The following CTNNA3 variants were observed in gnomAD, a reference collection of about 807,000 sequenced individuals.
CTNNA3 encodes the protein catenin alpha 3.
A neutral mutation model predicts 95.7 loss-of-function variants in CTNNA3; 76 were observed. The ratio of observed to expected loss-of-function variants is 0.79; its 90% confidence interval spans 0.66 to 0.96. CTNNA3 has a LOEUF of 0.96. Ranked by LOEUF, CTNNA3 falls within the 40% of genes least tolerant of loss-of-function variation. The pLI is 0.00. For missense variants in CTNNA3, 1,191 were observed against 1,089.8 expected (o/e 1.09, Z -1.31); for synonymous variants, 431 against 374.4 (o/e 1.15, Z -1.74).
intron 5 of CTNNA3, among the ~76,000 whole-genome samples, chr10:67,265,162 A>C (rs1161807744): frequency 1.3e-5 from 2 of 152,170 alleles, no homozygotes. Flanking sequence ...GAACTGTGAC[A>C]ACTTTCTCCA....
chr10:66,013,697 T>C (rs899034225), intron 15 of CTNNA3, among the ~76,000 whole-genome samples: 1 of 152,210 alleles, frequency 6.6e-6, no homozygotes, highest in African/African-American at 2.4e-5. Flanking sequence ...ATAAAGGTTG[T>C]AAAGTTTAAT....
At chr10:67,560,057 C>A (rs1219010991) in intron 3 of CTNNA3, among the ~76,000 whole-genome samples, 2 of 152,246 alleles carry the variant, frequency 1.3e-5, no homozygotes, top group Admixed American at 6.5e-5. Context: ...AGTTGGAAAA[C>A]ACTCTGCAGG....
At chr10:66,147,037 G>T (rs2083921037) in intron 13 of CTNNA3, among the ~76,000 whole-genome samples, 1 of 152,086 alleles carries the variant, frequency 6.6e-6, no homozygotes, top group Non-Finnish European at 1.5e-5. Flanking sequence ...GCTCTTGAAG[G>T]TTGAAATTTT....
chr10:66,446,187 T>C (rs12776366), intron 11 of CTNNA3, among the ~76,000 whole-genome samples: 58,123 of 151,890 alleles, frequency 0.38, 11,682 homozygotes, highest in African/African-American at 0.5. Context: ...AATCAATAGC[T>C]TACAAACCAA....
At chr10:66,817,614 G>T (rs1423864400) in intron 7 of CTNNA3, among the ~76,000 whole-genome samples, 1 of 151,850 alleles carries the variant, frequency 6.6e-6, no homozygotes, top group East Asian at 1.9e-4. Flanking sequence ...GGAGCAACAG[G>T]CAAATGAATA....
At chr10:66,779,835 C>T (rs1564678001) in intron 7 of CTNNA3, among the ~76,000 whole-genome samples, 1 of 152,170 alleles carries the variant, frequency 6.6e-6, no homozygotes, top group Non-Finnish European at 1.5e-5. Flanking sequence ...AAATCTTTAT[C>T]ATCTACTATA....
At chr10:67,674,946 A>C (rs772123307) in intron 1 of CTNNA3, among the ~76,000 whole-genome samples, 2 of 151,992 alleles carry the variant, frequency 1.3e-5, no homozygotes, top group Non-Finnish European at 2.9e-5. Flanking sequence ...TGTATATGAA[A>C]GTTCCATTTT....
At chr10:67,009,758 T>C (rs916454508) in intron 7 of CTNNA3, among the ~76,000 whole-genome samples, 2 of 152,200 alleles carry the variant, frequency 1.3e-5, no homozygotes, top group African/African-American at 2.4e-5. Context: ...TAGACTTTTT[T>C]ACTCCATTCC....
intron 7 of CTNNA3, among the ~76,000 whole-genome samples, chr10:66,801,479 A>G (rs1191760694): frequency 1.3e-5 from 2 of 151,606 alleles, no homozygotes; most frequent in Admixed American, 1.3e-4. Flanking sequence ...AAGCAAATGG[A>G]TAATTGAATT....
intron 11 of CTNNA3, among the ~76,000 whole-genome samples, chr10:66,505,463 A>G (rs968048594): frequency 2.6e-5 from 4 of 152,170 alleles, no homozygotes; most frequent in Non-Finnish European, 4.4e-5. Context: ...GTAATCACAG[A>G]TGACTCAGGG....
intron 5 of CTNNA3, among the ~76,000 whole-genome samples, chr10:67,492,280 G>A (rs1223590532): frequency 6.6e-6 from 1 of 152,052 alleles, no homozygotes; most frequent in East Asian, 1.9e-4. Context: ...CAGGAAAAAA[G>A]AACAGTTGAA....
chr10:67,584,029 TTG>T (rs1219217462), intron 3 of CTNNA3, among the ~76,000 whole-genome samples: 7 of 152,158 alleles, frequency 4.6e-5, no homozygotes, highest in Admixed American at 4.6e-4. Context: ...TTGGAGAAGT[TTG>T]TTATTCCTGA....
intron 11 of CTNNA3, among the ~76,000 whole-genome samples, chr10:66,457,002 G>C (rs1170558407): frequency 6.6e-6 from 1 of 151,806 alleles, no homozygotes; most frequent in Non-Finnish European, 1.5e-5. Context: ...GCTGAGGTGG[G>C]AGGATCTCTT....
At chr10:66,728,586 T>TTTTTTA (rs1037049195) in intron 9 of CTNNA3, among the ~76,000 whole-genome samples, 9 of 152,096 alleles carry the variant, frequency 5.9e-5, no homozygotes, top group East Asian at 3.9e-4. Flanking sequence ...ATTTAAGTCC[T>TTTTTTA]TTTTTATTTT....
At chr10:65,999,778 C>A (rs889127311) in intron 15 of CTNNA3, among the ~76,000 whole-genome samples, 1 of 152,106 alleles carries the variant, frequency 6.6e-6, no homozygotes, top group African/African-American at 2.4e-5. Context: ...ATAATGGGTT[C>A]TTGGGATCTC....
chr10:67,756,767 C>G (rs1035819514), intron 1 of CTNNA3, among the ~76,000 whole-genome samples: 1 of 152,038 alleles, frequency 6.6e-6, no homozygotes, highest in African/African-American at 2.4e-5. Flanking sequence ...ACATTAGTGA[C>G]AGTAACACAA....
intron 11 of CTNNA3, among the ~76,000 whole-genome samples, chr10:66,410,637 T>A (rs1262594483): frequency 6.6e-6 from 1 of 152,146 alleles, no homozygotes; most frequent in Non-Finnish European, 1.5e-5. Flanking sequence ...TTCTGCATAT[T>A]AGGTGTATAT....
At chr10:66,762,672 T>C (rs979354262) in intron 9 of CTNNA3, among the ~76,000 whole-genome samples, 3 of 151,920 alleles carry the variant, frequency 2.0e-5, no homozygotes, top group Non-Finnish European at 4.4e-5. Flanking sequence ...CGTTTGTTTT[T>C]TTGAATTCCC....
chr10:67,488,688 T>TTTTTTTTAG (rs769875749), intron 5 of CTNNA3, among the ~76,000 whole-genome samples: 1 of 150,096 alleles, frequency 6.7e-6, no homozygotes, highest in African/African-American at 2.5e-5. Flanking sequence ...TTTTTTTTTT[T>TTTTTTTTAG]GAGACAAAGT....
Sources: allele counts gnomAD v4.1 joint callset (sites outside exome capture counted in the v4.1 genomes callset), GRCh38; gene constraint gnomAD v4.1.1; transcripts MANE v1.5; gene names NCBI Gene and HGNC (gene_info 2026-07-23, HGNC 2026-07-21).